TUT4: variants seen among roughly 807,000 people sequenced by gnomAD.
The protein encoded by TUT4 is terminal uridylyltransferase 4.
A neutral mutation model predicts 192.2 loss-of-function variants in TUT4; 36 were observed. The ratio of observed to expected loss-of-function variants is 0.19; its 90% CI spans 0.14 to 0.25. The LOEUF is 0.25. TUT4 is among the 10% of genes least tolerant of loss of function. The pLI is 1.00. For missense variants in TUT4, 1,493 were observed against 1,957.2 expected (o/e 0.76, Z 4.47); for synonymous variants, 618 against 666.0 (o/e 0.93, Z 1.11).
chr1:52,436,493 AT>A (rs1271962386), intron 26 of TUT4, among the ~76,000 whole-genome samples: 1 of 152,174 alleles, frequency 6.6e-6, no homozygotes, highest in Non-Finnish European at 1.5e-5. Context: ...TCTCAAAAAA[AT>A]AAAAATAAAA....
intron 1 of TUT4, among the ~76,000 whole-genome samples, chr1:52,528,881 A>AT (rs909308252): frequency 2.5e-4 from 38 of 151,158 alleles, no homozygotes; most frequent in South Asian, 1.5e-3. Context: ...CACCTGGCTA[A>AT]TTTTTTTTTG....
chr1:52,514,301 C>T (rs1678097300), intron 3 of TUT4, among the ~76,000 whole-genome samples: 1 of 152,062 alleles, frequency 6.6e-6, no homozygotes, highest in African/African-American at 2.4e-5. Flanking sequence ...ATTAGCCAGG[C>T]ATGGTGGCGC....
Position 52,423,818 on chromosome 1 carries a change from T to A in TUT4, c.*117A>T. The A allele has an allele frequency of 6.5e-7, 1 of 1,548,644 alleles. No individual in the cohort carries two copies. On this transcript the variant is annotated 3_prime_UTR_variant, in exon 30 of 30. Transcript: ENST00000257177. Reference sequence around the variant, plus strand: ...AGGACCTGATTTGTTTTGCTTTCCATTAAATGTCACTTTTTCTGCTGAATG... The same window carrying A: ...AGGACCTGATTTGTTTTGCTTTCCAATAAATGTCACTTTTTCTGCTGAATG...
chr1:52,468,811 T>G (rs911493177), intron 14 of TUT4, among the ~76,000 whole-genome samples: 22 of 152,260 alleles, frequency 1.4e-4, no homozygotes, highest in African/African-American at 4.8e-4. Flanking sequence ...TTTGTCCTTT[T>G]GGTTTTCTAG....
intron 9 of TUT4, among the ~76,000 whole-genome samples, chr1:52,485,848 C>T (rs190624051): frequency 1.6e-4 from 25 of 151,946 alleles, no homozygotes; most frequent in Middle Eastern, 3.4e-3. Context: ...CATCTATATA[C>T]GATTGGTCTA....
At chr1:52,499,050 A>G (rs2149190768) in intron 4 of TUT4, among the ~76,000 whole-genome samples, 1 of 150,460 alleles carries the variant, frequency 6.6e-6, no homozygotes, top group South Asian at 2.1e-4. Flanking sequence ...GACAAAGAAC[A>G]AAGCTGGAGG....
intron 28 of TUT4, among the ~76,000 whole-genome samples, chr1:52,428,653 C>T (rs931646306): frequency 6.7e-6 from 1 of 148,264 alleles, no homozygotes; most frequent in Non-Finnish European, 1.5e-5. Context: ...AAAAAAATTC[C>T]GGGCATGGTG....
At chr1:52,552,470 T>C (rs1328172356) in intron 1 of TUT4, among the ~76,000 whole-genome samples, 1 of 152,242 alleles carries the variant, frequency 6.6e-6, no homozygotes, top group South Asian at 2.1e-4. Flanking sequence ...ATGTATTATA[T>C]GCGTGTATAC....
intron 9 of TUT4, among the ~76,000 whole-genome samples, chr1:52,486,448 TCA>T (rs1272300350): frequency 6.6e-6 from 1 of 152,092 alleles, no homozygotes; most frequent in Non-Finnish European, 1.5e-5. Flanking sequence ...CAATCTCATA[TCA>T]CAGTTATAAG....
At chr1:52,484,892 T>C (rs1316746085) in intron 9 of TUT4, among the ~76,000 whole-genome samples, 1 of 152,238 alleles carries the variant, frequency 6.6e-6, no homozygotes, top group Non-Finnish European at 1.5e-5. Context: ...TGAGCTTAAA[T>C]ATCATCTCTT....
chr1:52,440,238 G>C (rs1402298423), intron 24 of TUT4, among the ~76,000 whole-genome samples: 1 of 152,120 alleles, frequency 6.6e-6, no homozygotes, highest in Non-Finnish European at 1.5e-5. Flanking sequence ...AAAAACCACT[G>C]AATTGCACAG....
intron 24 of TUT4, among the ~76,000 whole-genome samples, chr1:52,444,949 GTGTATATACATGTATATACATGTATA>G (rs1557670692): frequency 7.5e-6 from 1 of 132,720 alleles, no homozygotes; most frequent in African/African-American, 3.3e-5. Flanking sequence ...ATACATGTAT[GTGTATATACATGTATATACATGTATA>G]TGTGTGTATA....
Position 52,436,799 on chromosome 1 carries a change from C to T in TUT4, c.4118G>A (p.Cys1373Tyr). The T allele has an allele frequency of 6.2e-7, 1 of 1,613,784 alleles. No individual in the cohort carries two copies. Among genetic ancestry groups the T allele is most frequent in the Admixed American group, 1.7e-5 (1 of 59,964 alleles). Residue 1373 changes from cysteine (C) to tyrosine (Y), a missense_variant, in exon 26 of 30, where the codon TGC (cysteine) becomes TAC (tyrosine). This residue lies in a region of TUT4 where 351 missense variants were observed against 397.8 expected (regional missense o/e 0.88). Transcript: ENST00000257177. ...CTGACGGGCCAGCTTGACCTCTGGG[C>T]ACTCCCTTCGTACATGTCCAGCATC... ...CGDAGHVRRE[C>Y]PEVKLARQRN...
intron 11 of TUT4, among the ~76,000 whole-genome samples, chr1:52,479,720 C>T (rs146010023): frequency 1.3e-5 from 2 of 152,076 alleles, no homozygotes; most frequent in African/African-American, 2.4e-5. Context: ...GACGGCCGGG[C>T]GCGGAGGCTC....
chr1:52,455,901 A>G (rs1660790001), intron 20 of TUT4, among the ~76,000 whole-genome samples: 1 of 152,180 alleles, frequency 6.6e-6, no homozygotes, highest in Non-Finnish European at 1.5e-5. Context: ...TTACAAAACT[A>G]AACATACTCG....
intron 2 of TUT4, among the ~76,000 whole-genome samples, chr1:52,517,483 C>T (rs896475330): frequency 3.9e-5 from 6 of 152,294 alleles, no homozygotes; most frequent in Non-Finnish European, 8.8e-5. Context: ...TCTAGAGGAA[C>T]CCTGACAGTC....
In TUT4 at chr1:52,449,191, T is replaced by C. The variant is rs549378704; in HGVS notation, c.3436-2524A>G. ...GTCCTCCCTCTAAACAAGTCAATCA[T>C]ATTATAAGGATCACCAAATAAGTCA... is the stretch of plus-strand genomic sequence containing the variant. On this transcript the variant is annotated intron_variant, in intron 20 of 29. Transcript: ENST00000257177. Among the ~76,000 whole-genome samples, 77 of 152,310 alleles carry C rather than the reference T, an allele frequency of 5.1e-4. 1 individual carries two copies. Among genetic ancestry groups the C allele is most frequent in the Admixed American group, 1.0e-3 (16 of 15,286 alleles).
intron 24 of TUT4, among the ~76,000 whole-genome samples, chr1:52,443,256 C>T (rs1433720275): frequency 6.8e-6 from 1 of 147,200 alleles, no homozygotes; most frequent in East Asian, 2.0e-4. Context: ...GCACTCCAGC[C>T]TGGGAAACAA....
At chr1:52,546,420 T>C (rs1207491861) in intron 1 of TUT4, among the ~76,000 whole-genome samples, 1 of 152,200 alleles carries the variant, frequency 6.6e-6, no homozygotes, top group Non-Finnish European at 1.5e-5. Context: ...GAGGACACTA[T>C]GCTAAGTGAA....
Sources: gnomAD v4.1 joint callset for allele counts (sites outside exome capture counted in the v4.1 genomes callset) on GRCh38, gnomAD v4.1.1 for gene constraint, gnomAD v4.1.1 regional missense constraint, MANE v1.5 for transcripts, NCBI Gene and HGNC (gene_info 2026-07-23, HGNC 2026-07-21) for gene names.